Variants in HSPA4L observed in about 807,000 individuals in gnomAD.
HSPA4L encodes heat shock protein family A (Hsp70) member 4 like.
Under a neutral mutation model 100.3 loss-of-function variants are expected in HSPA4L, and 48 were observed. The observed-to-expected ratio is 0.48, with a 90% CI of 0.38 to 0.61. HSPA4L has a LOEUF of 0.61. Among genes scored for constraint, HSPA4L ranks in the 20% least tolerant of loss-of-function variants. The pLI is 0.00. For synonymous variants in HSPA4L, 319 were observed against 328.2 expected (o/e 0.97, Z 0.30); for missense variants, 886 against 988.6 (o/e 0.90, Z 1.39).
At position 127,809,090 on chromosome 4, in the gene HSPA4L, G is replaced by A. The variant is rs185716429; in HGVS notation, c.1378+961G>A. Reference sequence around the variant, plus strand: ...GGTGAGGGCGATTGGAAGGTGAGGCGGTCCCGGAGTTCTTGCATCCCAGGT... The same window carrying A: ...GGTGAGGGCGATTGGAAGGTGAGGCAGTCCCGGAGTTCTTGCATCCCAGGT... On this transcript the variant is annotated intron_variant, in intron 11 of 18. Coordinates refer to ENST00000296464, the MANE Select transcript of HSPA4L (RefSeq NM_014278.4). The A allele has an allele frequency of 7.4e-5, 43 of 578,482 alleles. No homozygotes were observed. The Admixed American group carries it at 8.2e-4, about 11-fold the overall frequency. The allele number at this position is 578,482 out of a possible 1,614,324, so 35.8% of individuals were successfully genotyped here.
chr4:127,831,468 G>T (rs7684815), intron 18 of HSPA4L, among the ~76,000 whole-genome samples: 11,610 of 143,356 alleles, frequency 0.081, 908 homozygotes, highest in East Asian at 0.26. Context: ...GCCACTGCAC[G>T]CCAGCTGGGT....
rs1385863403 is a variant in HSPA4L, at chr4:127,839,236, T to G, written c.*6362T>G. 1 of 152,204 alleles carries G rather than the reference T, an allele frequency of 6.6e-6. No homozygotes were observed. Among genetic ancestry groups the G allele is most frequent in the Admixed American group, 6.5e-5 (1 of 15,276 alleles). 9.4% of individuals were successfully genotyped at this position (152,204 alleles called of 1,614,324 possible). ...CCTAAATTTTTTGCTTCTGGGGACT[T>G]GAGTATTTTTAAATGTTCTTAAAAT... is the stretch of plus-strand genomic sequence containing the variant. On this transcript the variant is annotated 3_prime_UTR_variant, in exon 19 of 19. Transcript: ENST00000296464.
intron 12 of HSPA4L, chr4:127,813,199 A>G: frequency 2.3e-6 from 3 of 1,315,986 alleles, no homozygotes; most frequent in Non-Finnish European, 3.2e-6. Context: ...TGTGTTCGTC[A>G]TTTTGGCGAA....
rs761190089 is a variant in HSPA4L, at chr4:127,805,713, A to C, written c.1164A>C (p.Lys388Asn). 1 of 1,612,496 alleles carries C rather than the reference A, an allele frequency of 6.2e-7. No homozygotes were observed. Among genetic ancestry groups the C allele is most frequent in the Non-Finnish European group, 8.5e-7 (1 of 1,179,050 alleles). ...LQCAILSPAF[K>N]VREFSITDLV... ...GTGCGATTCTCTCACCAGCATTTAAAGTGCGTGAATTTTCCATAACAGACC... is the reference window on the plus strand; with the variant it reads ...GTGCGATTCTCTCACCAGCATTTAACGTGCGTGAATTTTCCATAACAGACC... Residue 388 changes from lysine (K) to asparagine (N), a missense_variant, in exon 10 of 19, where the codon AAA becomes AAC. Coordinates refer to ENST00000296464, the MANE Select transcript of HSPA4L (RefSeq NM_014278.4).
chr4:127,782,832 A>T (rs1732602442), intron 1 of HSPA4L, among the ~76,000 whole-genome samples, 175 bp downstream of exon 1: 1 of 151,674 alleles, frequency 6.6e-6, no homozygotes, highest in South Asian at 2.1e-4. Flanking sequence ...TGGCAGTCGG[A>T]CTTCCTCGCC....
Position 127,803,618 on chromosome 4 carries a change from C to T in HSPA4L, c.664-11C>T. 1 of 1,538,776 alleles carries T rather than the reference C, an allele frequency of 6.5e-7. No homozygotes were observed. Among genetic ancestry groups the T allele is most frequent in the Non-Finnish European group, 8.7e-7 (1 of 1,145,272 alleles). Reference sequence around the variant, plus strand: ...TTCTGAAAATACAGTTCTGCTTTTTCAATTAAACAGGTCTTGGCTACTACC... The same window carrying T: ...TTCTGAAAATACAGTTCTGCTTTTTTAATTAAACAGGTCTTGGCTACTACC... On this transcript the variant is annotated splice_polypyrimidine_tract_variant and intron_variant, in intron 6 of 18. Transcript: ENST00000296464.
At chr4:127,814,855 G>A (rs1733632076) in intron 12 of HSPA4L, among the ~76,000 whole-genome samples, 1 of 152,236 alleles carries the variant, frequency 6.6e-6, no homozygotes, top group South Asian at 2.1e-4. Context: ...GTGAGCCACC[G>A]TGCCCGGCCT....
rs768665031 is a variant in HSPA4L at position 127,782,658 on chromosome 4, G to C, written c.107+1G>C. 6.2e-7 allele frequency: 1 copy of C among 1,600,828 alleles called. No homozygotes were observed. The highest frequency in any genetic ancestry group is 1.1e-5 in the South Asian group (1 of 89,760). ...ATGAGTACAGCGACAGGTGTACCCC[G>C]TAAGTGCCTCTGCTGAGCATCACCT... is the stretch of plus-strand genomic sequence containing the variant. On this transcript the variant is annotated splice_donor_variant, in intron 1 of 18. Transcript: ENST00000296464. LOFTEE classifies it high-confidence loss of function.
intron 5 of HSPA4L, among the ~76,000 whole-genome samples, chr4:127,801,489 GTGTGTGTGTGTGTA>G (rs1366740455): frequency 6.5e-4 from 69 of 106,924 alleles, no homozygotes; most frequent in Non-Finnish European, 1.1e-3. Context: ...GTGTGTGTGT[GTGTGTGTGTGTGTA>G]TGTACTGATT....
chr4:127,805,234 T>C lies in HSPA4L; in HGVS notation c.1137+10T>C, dbSNP rs376952218. On this transcript the variant is annotated intron_variant, in intron 9 of 18. Transcript: ENST00000296464. Reference sequence around the variant, plus strand: ...AGGATGTGCGTTACAGGTATAATTGTTATTTTATTTTTTAGAATATGTATT... The same window carrying C: ...AGGATGTGCGTTACAGGTATAATTGCTATTTTATTTTTTAGAATATGTATT... 1.4e-4 allele frequency: 223 copies of C among 1,576,976 alleles called. No homozygotes were observed. The highest frequency in any genetic ancestry group is 1.6e-4 in the Non-Finnish European group (187 of 1,163,150).
chr4:127,786,284 G>A (rs546869862), intron 1 of HSPA4L, among the ~76,000 whole-genome samples: 2 of 152,244 alleles, frequency 1.3e-5, no homozygotes, highest in Admixed American at 1.3e-4. Flanking sequence ...GAACCCAAAT[G>A]TCTTTCCAGT....
chr4:127,815,530 C>G (rs1444604414), intron 12 of HSPA4L, among the ~76,000 whole-genome samples: 1 of 151,850 alleles, frequency 6.6e-6, no homozygotes, highest in Admixed American at 6.6e-5. Flanking sequence ...AACTATATCA[C>G]AAAACCCAGG....
In HSPA4L at chr4:127,822,888, T is replaced by C. The variant is rs1260278146; in HGVS notation, c.1932T>C (p.Thr644=). The C allele has an allele frequency of 5.0e-6, 8 of 1,612,264 alleles. No homozygotes were observed. The highest frequency in any genetic ancestry group is 6.8e-6 in the Non-Finnish European group (8 of 1,179,350). ...GCACTGTCTATGAAAAATTCATCACTCCAGAAGTAAGTCTAAATTCTGTTA... is the reference window on the plus strand; with the variant it reads ...GCACTGTCTATGAAAAATTCATCACCCCAGAAGTAAGTCTAAATTCTGTTA... The part of the protein sequence containing the change: ...RLGTVYEKFI[T]PEDLSKLSAV... Residue 644 remains threonine, a synonymous_variant, in exon 15 of 19, where the codon ACT becomes ACC. Coordinates refer to ENST00000296464, the MANE Select transcript of HSPA4L (RefSeq NM_014278.4).
In HSPA4L at chr4:127,798,688, A is replaced by G. The variant is rs781517959; in HGVS notation, c.408A>G (p.Pro136=). 3 of 1,613,646 alleles carry G rather than the reference A, an allele frequency of 1.9e-6. No homozygotes were observed. Among genetic ancestry groups the G allele is most frequent in the Non-Finnish European group, 2.5e-6 (3 of 1,179,696 alleles). The change falls in exon 4 of 19, where the codon CCA becomes CCG. Residue 136 remains proline (P), a synonymous_variant. Coordinates refer to ENST00000296464, the MANE Select transcript of HSPA4L (RefSeq NM_014278.4). ...CTTCAGAAAATGCTTTGAAGAAACCAGTGGCTGACTGTGTGATTTCAGTAA... is the reference window on the plus strand; with the variant it reads ...CTTCAGAAAATGCTTTGAAGAAACCGGTGGCTGACTGTGTGATTTCAGTAA... ...KETSENALKK[P]VADCVISIPS...
Position 127,804,087 on chromosome 4 carries a change from A to C in HSPA4L, c.985A>C (p.Asn329His). ...PPLKAVMEQA[N>H]LQREDISSIE... Reference sequence around the variant, plus strand: ...TTTAAAAGCAGTAATGGAACAAGCTAGTAAGTGGAAATTACTGGACTATCA... The same window carrying C: ...TTTAAAAGCAGTAATGGAACAAGCTCGTAAGTGGAAATTACTGGACTATCA... The change falls in exon 8 of 19, where the codon AAC (asparagine) becomes CAC (histidine). Residue 329 changes from asparagine to histidine, a missense_variant and splice_region_variant. Physicochemically the swap from Asn to His is moderately conservative, Grantham distance 68. Transcript: ENST00000296464. 1 of 1,612,786 alleles carries C rather than the reference A, an allele frequency of 6.2e-7. No individual in the cohort carries two copies. The highest frequency in any genetic ancestry group is 8.5e-7 in the Non-Finnish European group (1 of 1,178,814).
In HSPA4L at chr4:127,834,645, T is replaced by C. The variant is rs1231223784; in HGVS notation, c.*1771T>C. Reference sequence around the variant, plus strand: ...TTTACAAACATAGATGCTTTTTATTTGTATGTTGAATGTACAGATTCATTT... The same window carrying C: ...TTTACAAACATAGATGCTTTTTATTCGTATGTTGAATGTACAGATTCATTT... On this transcript the variant is annotated 3_prime_UTR_variant, in exon 19 of 19. Coordinates refer to ENST00000296464, the MANE Select transcript of HSPA4L (RefSeq NM_014278.4). The C allele has an allele frequency of 6.6e-6, 1 of 152,196 alleles. No homozygotes were observed. The highest frequency in any genetic ancestry group is 1.9e-4 in the East Asian group (1 of 5,204). The allele number at this position is 152,196 out of a possible 1,614,324, so 9.4% of individuals were successfully genotyped here. A position where few individuals can be genotyped will look rare whatever the true frequency, so the allele number is the denominator to read the frequency against.
rs1732952501 is a variant in HSPA4L at position 127,794,097 on chromosome 4, C to T, written c.128C>T (p.Ser43Leu). The T allele has an allele frequency of 6.2e-7, 1 of 1,610,232 alleles. No homozygotes were observed. The highest frequency in any genetic ancestry group is 8.5e-7 in the Non-Finnish European group (1 of 1,177,676). The change falls in exon 2 of 19, where the codon TCA (serine) becomes TTA (leucine). Residue 43 changes from serine (S) to leucine (L), a missense_variant. Transcript: ENST00000296464. ...TTTAGGGCCTGTATATCATTGGGATCAAGAACTCGAGCCATTGGAAATGCA... is the reference window on the plus strand; with the variant it reads ...TTTAGGGCCTGTATATCATTGGGATTAAGAACTCGAGCCATTGGAAATGCA... Reference protein sequence around the residue: ...RCTPACISLGSRTRAIGNAAK... With the variant: ...RCTPACISLGLRTRAIGNAAK...
chr4:127,836,870 A>C lies in HSPA4L; in HGVS notation c.*3996A>C, dbSNP rs1438758740. ...TTAAAGTCATTGCATTAATTTTACA[A>C]ATTATAGATTTAGAAATGATTCTTA... On this transcript the variant is annotated 3_prime_UTR_variant, in exon 19 of 19. Transcript: ENST00000296464. 6.6e-6 allele frequency: 1 copy of C among 152,172 alleles called. No individual in the cohort carries two copies. Among genetic ancestry groups the C allele is most frequent in the Non-Finnish European group, 1.5e-5 (1 of 68,020 alleles). 9.4% of individuals were successfully genotyped at this position (152,172 alleles called of 1,614,324 possible). A position where few individuals can be genotyped will look rare whatever the true frequency, so the allele number is the denominator to read the frequency against.
At chr4:127,830,896 T>C (rs555927221) in intron 18 of HSPA4L, 97 bp downstream of exon 18, 2 of 748,186 alleles carry the variant, frequency 2.7e-6, no homozygotes, top group African/African-American at 1.8e-5. Context: ...CAGAAGAACT[T>C]AGAACAGAAA....
Sources: gnomAD v4.1 joint callset for allele counts (sites outside exome capture counted in the v4.1 genomes callset) on GRCh38, gnomAD v4.1.1 for gene constraint, MANE v1.5 for transcripts, NCBI Gene and HGNC (gene_info 2026-07-23, HGNC 2026-07-21) for gene names.